Variants in SHISAL2A observed in about 807,000 individuals in gnomAD.
SHISAL2A encodes shisa like 2A.
A neutral mutation model predicts 11.5 loss-of-function variants in SHISAL2A; 18 were observed. The ratio of observed to expected loss-of-function variants is 1.57; its 90% CI spans 1.08 to 2.33. SHISAL2A has a LOEUF of 2.33. Among genes scored for constraint, SHISAL2A ranks in the 30% most tolerant of loss-of-function variants. The pLI is 0.00. For missense variants in SHISAL2A, 261 were observed against 250.9 expected (o/e 1.04, Z -0.27); for synonymous variants, 94 against 99.6 (o/e 0.94, Z 0.34).
chr1:52,664,002 A>G lies in SHISAL2A; in HGVS notation n.696-3397A>G, dbSNP rs1173237781. ...TATTTTTGAGCATTGCAATATGCCA[A>G]AATGCATTCTGAAAAACCATACTTG... is the stretch of plus-strand genomic sequence containing the variant. On this transcript the variant is annotated intron_variant and non_coding_transcript_variant, in intron 4 of 5. Transcript: ENST00000401050. 5.3e-5 allele frequency among the ~76,000 whole-genome samples: 8 copies of G among 152,306 alleles called. 1 individual carries two copies. In the South Asian group the frequency reaches 1.0e-3, roughly 20 times the overall value.
At chr1:52,664,347 C>T (rs552738299) in intron 4 of SHISAL2A, among the ~76,000 whole-genome samples, 34 of 149,258 alleles carry the variant, frequency 2.3e-4, no homozygotes, top group African/African-American at 7.9e-4. Flanking sequence ...CCGGCCACCA[C>T]GCCCAGCTAA....
chr1:52,642,203 G>C (rs898336630), intron 1 of SHISAL2A, among the ~76,000 whole-genome samples: 1 of 152,248 alleles, frequency 6.6e-6, no homozygotes, highest in East Asian at 1.9e-4. Context: ...AGCAGTATGG[G>C]GGGGTCCCCT....
downstream of SHISAL2A, among the ~76,000 whole-genome samples, chr1:52,661,549 G>A (rs761840906): frequency 6.6e-6 from 1 of 152,216 alleles, no homozygotes; most frequent in Non-Finnish European, 1.5e-5. Context: ...AGAGCTCCAT[G>A]CCTTGCTCGG....
chr1:52,648,190 C>T (rs1274831519), intron 2 of SHISAL2A, among the ~76,000 whole-genome samples: 1 of 150,576 alleles, frequency 6.6e-6, no homozygotes, highest in Non-Finnish European at 1.5e-5. Flanking sequence ...CCCTGTTACT[C>T]AGTAATTCTA....
chr1:52,654,917 T>C (rs1447895582), intron 2 of SHISAL2A, among the ~76,000 whole-genome samples: 2 of 152,212 alleles, frequency 1.3e-5, no homozygotes, highest in Non-Finnish European at 2.9e-5. Context: ...GTGTGGTGGC[T>C]CATGCCTGTA....
intron 4 of SHISAL2A, among the ~76,000 whole-genome samples, chr1:52,662,656 C>T: frequency 6.6e-6 from 1 of 151,854 alleles, no homozygotes. Flanking sequence ...CCCACCCTTT[C>T]TGTTTTAAAG....
chr1:52,648,344 G>T (rs1422061558), intron 2 of SHISAL2A, among the ~76,000 whole-genome samples: 2 of 151,950 alleles, frequency 1.3e-5, no homozygotes, highest in East Asian at 3.8e-4. Flanking sequence ...ATTAAATATT[G>T]ATACAATATA....
intron 1 of SHISAL2A, among the ~76,000 whole-genome samples, chr1:52,635,240 AAAAAAACC>A (rs1315017802): frequency 7.2e-5 from 11 of 152,122 alleles, no homozygotes; most frequent in African/African-American, 2.4e-4. Context: ...CTTGCTGCCC[AAAAAAACC>A]AATGCACTGA....
intron 2 of SHISAL2A, among the ~76,000 whole-genome samples, chr1:52,655,049 T>G (rs1398205397): frequency 6.6e-6 from 1 of 151,886 alleles, no homozygotes; most frequent in Non-Finnish European, 1.5e-5. Context: ...AGCCAGGTCT[T>G]GTGGCACAAG....
chr1:52,637,063 C>T (rs1248626083), intron 1 of SHISAL2A, among the ~76,000 whole-genome samples: 3 of 152,114 alleles, frequency 2.0e-5, no homozygotes, highest in Non-Finnish European at 2.9e-5. Context: ...GAAACTCTGA[C>T]GTGGCATGCT....
chr1:52,644,788 C>T (rs1030251265), intron 2 of SHISAL2A, among the ~76,000 whole-genome samples: 2 of 151,540 alleles, frequency 1.3e-5, no homozygotes, highest in Non-Finnish European at 2.9e-5. Context: ...GAGGCCAGGG[C>T]GGGCGGATCA....
In SHISAL2A at chr1:52,642,906, C is replaced by T. The variant is rs1571683874; in HGVS notation, c.226C>T (p.Leu76Phe). ...IGLSVAAVVLLAFIVTACVLC... is the reference protein window; with the variant it reads ...IGLSVAAVVLFAFIVTACVLC... ...CCTGTCCGTAGCAGCAGTGGTTCTT[C>T]TCGCCTTCATTGTTACCGCCTGTGT... Residue 76 changes from leucine to phenylalanine, a missense_variant, in exon 2 of 3, where the codon CTC becomes TTC. By Grantham distance (22) the Leu-to-Phe change is conservative. Transcript: ENST00000517870. 6.2e-7 allele frequency: 1 copy of T among 1,613,952 alleles called. No homozygotes were observed. The highest frequency in any genetic ancestry group is 8.5e-7 in the Non-Finnish European group (1 of 1,180,020).
At chr1:52,661,392 T>A (rs1165853727), downstream of SHISAL2A, among the ~76,000 whole-genome samples, 1 of 152,206 alleles carries the variant, frequency 6.6e-6, no homozygotes, top group South Asian at 2.1e-4. Flanking sequence ...AAGAAATGAC[T>A]TGGGCCCTAG....
At chr1:52,665,164 A>G (rs927184100) in intron 4 of SHISAL2A, among the ~76,000 whole-genome samples, 5 of 152,224 alleles carry the variant, frequency 3.3e-5, no homozygotes, top group Non-Finnish European at 7.3e-5. Context: ...ATTTATTGTT[A>G]CTAAATGAAA....
exon 6 of SHISAL2A, chr1:52,669,140 C>CTTTTT (rs3082851): frequency 1.2e-4 from 14 of 119,976 alleles, no homozygotes; most frequent in African/African-American, 3.9e-4. Flanking sequence ...CCAATTGGAT[C>CTTTTT]TTTTTTTTTT....
intron 1 of SHISAL2A, among the ~76,000 whole-genome samples, chr1:52,635,361 C>G (rs1691216268): frequency 6.6e-6 from 1 of 150,782 alleles, no homozygotes; most frequent in Non-Finnish European, 1.5e-5. Context: ...TTCCCCACCC[C>G]CCACCCCACC....
intron 4 of SHISAL2A, among the ~76,000 whole-genome samples, chr1:52,662,262 A>G (rs986663520): frequency 6.6e-6 from 1 of 152,146 alleles, no homozygotes; most frequent in East Asian, 1.9e-4. Flanking sequence ...CTTAATCTTG[A>G]TGGACCATGG....
At chr1:52,656,744 G>C in intron 2 of SHISAL2A, 46 bp from the exon 3 acceptor site, 2 of 1,559,158 alleles carry the variant, frequency 1.3e-6, no homozygotes, top group Admixed American at 1.8e-5. Flanking sequence ...GTGTGATCCT[G>C]TTGGGGAAGA....
At chr1:52,658,005 G>A (rs1190675988), downstream of SHISAL2A, among the ~76,000 whole-genome samples, 1 of 151,940 alleles carries the variant, frequency 6.6e-6, no homozygotes, top group East Asian at 1.9e-4. Context: ...TGAGGTGATG[G>A]ATTTGAACTC....
Sources: allele counts gnomAD v4.1 joint callset (sites outside exome capture counted in the v4.1 genomes callset), GRCh38; gene constraint gnomAD v4.1.1; transcripts MANE v1.5; gene names NCBI Gene and HGNC (gene_info 2026-07-23, HGNC 2026-07-21).